SPAG16: variants seen among roughly 807,000 people sequenced by gnomAD.
SPAG16 encodes sperm associated antigen 16.
A neutral mutation model predicts 80.4 loss-of-function variants in SPAG16; 86 were observed. That is an observed-to-expected ratio of 1.07 (90% CI 0.90 to 1.28). The LOEUF is 1.28. Among genes scored for constraint, SPAG16 ranks in the 50% most tolerant of loss-of-function variants. SPAG16 has a pLI of 0.00. For synonymous variants in SPAG16, 294 were observed against 265.9 expected (o/e 1.11, Z -1.03); for missense variants, 870 against 765.3 (o/e 1.14, Z -1.61).
chr2:213,939,487 C>T (rs10498013), intron 12 of SPAG16, among the ~76,000 whole-genome samples: 22,206 of 152,152 alleles, frequency 0.15, 1,991 homozygotes, highest in Non-Finnish European at 0.2. Flanking sequence ...TCTCTATTAA[C>T]GGAAAGAATT....
At chr2:213,656,309 T>C (rs1309869935) in intron 10 of SPAG16, among the ~76,000 whole-genome samples, 1 of 152,248 alleles carries the variant, frequency 6.6e-6, no homozygotes, top group East Asian at 1.9e-4. Flanking sequence ...TAGCTGGGAC[T>C]GCAGGCGCCT....
intron 12 of SPAG16, among the ~76,000 whole-genome samples, chr2:213,967,417 A>G (rs2044762080): frequency 6.6e-6 from 1 of 152,200 alleles, no homozygotes; most frequent in Non-Finnish European, 1.5e-5. Context: ...AAATGAAAGT[A>G]AAGAGAGACC....
At chr2:214,341,691 A>G (rs886183659) in intron 15 of SPAG16, among the ~76,000 whole-genome samples, 10 of 152,210 alleles carry the variant, frequency 6.6e-5, no homozygotes, top group African/African-American at 2.4e-4. Flanking sequence ...CAACTTATCA[A>G]CCCTGAAGCA....
chr2:214,041,568 A>C (rs974122695), intron 13 of SPAG16, among the ~76,000 whole-genome samples: 7 of 151,700 alleles, frequency 4.6e-5, no homozygotes, highest in African/African-American at 1.7e-4. Flanking sequence ...GGACTAAGTT[A>C]TTAGTCTTCC....
chr2:213,788,320 C>T (rs1386119630), intron 10 of SPAG16, among the ~76,000 whole-genome samples: 8 of 151,826 alleles, frequency 5.3e-5, no homozygotes, highest in African/African-American at 1.9e-4. Context: ...AAATAAGCTA[C>T]ACAATCACAT....
intron 15 of SPAG16, among the ~76,000 whole-genome samples, chr2:214,292,372 A>G: frequency 1.3e-5 from 2 of 152,124 alleles, no homozygotes; most frequent in East Asian, 3.9e-4. Flanking sequence ...ACCCTCAGGG[A>G]CATTGATAAT....
intron 15 of SPAG16, among the ~76,000 whole-genome samples, chr2:214,221,996 G>C (rs890549738): frequency 6.7e-6 from 1 of 150,246 alleles, no homozygotes; most frequent in African/African-American, 2.4e-5. Flanking sequence ...AAAAATATGT[G>C]TTTTTGCCTA....
At chr2:213,706,950 CACA>C (rs1414206137) in intron 10 of SPAG16, among the ~76,000 whole-genome samples, 1 of 152,164 alleles carries the variant, frequency 6.6e-6, no homozygotes, top group East Asian at 1.9e-4. Context: ...TGAGTGTCCT[CACA>C]ACAAGGTGGC....
chr2:213,371,203 T>C (rs2066611177), intron 8 of SPAG16, among the ~76,000 whole-genome samples: 1 of 151,800 alleles, frequency 6.6e-6, no homozygotes, highest in South Asian at 2.1e-4. Context: ...GGTCAGGAAA[T>C]CAAGACCATC....
At chr2:214,293,341 A>G (rs1693926588) in intron 15 of SPAG16, among the ~76,000 whole-genome samples, 1 of 152,180 alleles carries the variant, frequency 6.6e-6, no homozygotes, top group South Asian at 2.1e-4. Flanking sequence ...CAGCTGGCTC[A>G]TATGGGTTAG....
intron 15 of SPAG16, among the ~76,000 whole-genome samples, chr2:214,227,995 A>G (rs1688399995): frequency 6.6e-6 from 1 of 151,912 alleles, no homozygotes; most frequent in Non-Finnish European, 1.5e-5. Flanking sequence ...TGTTTTCTCT[A>G]TTATGCAGGA....
At chr2:213,575,733 T>C (rs941961909) in intron 10 of SPAG16, among the ~76,000 whole-genome samples, 5 of 152,184 alleles carry the variant, frequency 3.3e-5, no homozygotes, top group East Asian at 3.8e-4. Context: ...ATATCAACAT[T>C]ATGTATTATT....
intron 15 of SPAG16, among the ~76,000 whole-genome samples, chr2:214,319,225 A>ACACACACACACACACACACACACAC (rs1189650614): frequency 5.3e-3 from 107 of 20,198 alleles, no homozygotes; most frequent in African/African-American, 8.4e-3. Context: ...CACACACACA[A>ACACACACACACACACACACACACAC]GAAGTGTAGA....
In SPAG16 at chr2:213,737,933, A is replaced by T. The variant is rs187609761; in HGVS notation, c.1071-124552A>T. 1.3e-3 allele frequency among the ~76,000 whole-genome samples: 203 copies of T among 152,204 alleles called. 2 individuals are homozygous for T. Among genetic ancestry groups the T allele is most frequent in the East Asian group, 5.6e-3 (29 of 5,182 alleles). ...ATAGTTGCTACCTATCAATATTTTT[A>T]AAAAAATTCTGCCCCTCTTTTAAGC... On this transcript the variant is annotated intron_variant, in intron 10 of 15. Coordinates refer to ENST00000331683, the MANE Select transcript of SPAG16 (RefSeq NM_024532.5).
At chr2:214,348,168 G>A (rs1390011398) in intron 15 of SPAG16, among the ~76,000 whole-genome samples, 3 of 152,174 alleles carry the variant, frequency 2.0e-5, no homozygotes, top group African/African-American at 7.2e-5. Context: ...GTCACATGAA[G>A]AGGAGTGATA....
chr2:214,396,742 GTTGT>G (rs1276653280), intron 15 of SPAG16, among the ~76,000 whole-genome samples: 2 of 151,798 alleles, frequency 1.3e-5, no homozygotes, highest in Non-Finnish European at 2.9e-5. Context: ...TATCTATTTG[GTTGT>G]TTATGTTCTT....
intron 8 of SPAG16, among the ~76,000 whole-genome samples, chr2:213,365,976 A>C (rs1469898221): frequency 6.7e-6 from 1 of 150,136 alleles, no homozygotes; most frequent in African/African-American, 2.4e-5. Context: ...CCCCGTCTCT[A>C]CTAAAAATAC....
chr2:213,900,977 A>T (rs940658543), intron 11 of SPAG16, among the ~76,000 whole-genome samples: 7 of 152,194 alleles, frequency 4.6e-5, no homozygotes, highest in African/African-American at 1.7e-4. Flanking sequence ...GTATATTTCT[A>T]GAACATTGTA....
At chr2:213,955,817 T>C (rs2044092545) in intron 12 of SPAG16, among the ~76,000 whole-genome samples, 1 of 152,124 alleles carries the variant, frequency 6.6e-6, no homozygotes, top group Non-Finnish European at 1.5e-5. Flanking sequence ...CATTGTTATT[T>C]CTGTACAATC....
Sources: gnomAD v4.1 joint callset for allele counts (sites outside exome capture counted in the v4.1 genomes callset) on GRCh38, gnomAD v4.1.1 for gene constraint, MANE v1.5 for transcripts, NCBI Gene and HGNC (gene_info 2026-07-23, HGNC 2026-07-21) for gene names.